CCDC149: variants seen among roughly 807,000 people sequenced by gnomAD.
CCDC149 encodes the protein coiled-coil domain-containing protein 149.
In CCDC149, 45 loss-of-function variants were observed where a neutral mutation model predicts 59.9. The observed-to-expected ratio is 0.75, with a 90% CI of 0.59 to 0.96. The LOEUF is 0.96. CCDC149 is among the 40% of genes least tolerant of loss of function. The pLI is 0.00. For missense variants in CCDC149, 584 were observed against 664.7 expected (o/e 0.88, Z 1.33); for synonymous variants, 245 against 260.6 (o/e 0.94, Z 0.58).
rs2361079 is a variant in CCDC149, at chr4:24,807,758, T to C, written c.*631A>G. The C allele has an allele frequency of 0.9, 137,126 of 152,308 alleles. 61,798 individuals are homozygous for C. Among genetic ancestry groups the C allele is most frequent in the East Asian group, 0.93 (4,777 of 5,158 alleles). The allele number at this position is 152,308 out of a possible 1,614,324, so 9.4% of individuals were successfully genotyped here. A position where few individuals can be genotyped will look rare whatever the true frequency, so the allele number is the denominator to read the frequency against. On this transcript the variant is annotated 3_prime_UTR_variant, in exon 13 of 13. Coordinates refer to ENST00000635206, the MANE Select transcript of CCDC149 (RefSeq NM_001330643.2). ...TCAGCACACAGGCCTCAACCGGGGC[T>C]GTGGATTTCAACCCAGAAGCCCAAA...
At chr4:24,906,215 A>G (rs1721500830) in intron 1 of CCDC149, among the ~76,000 whole-genome samples, 1 of 152,032 alleles carries the variant, frequency 6.6e-6, no homozygotes, top group African/African-American at 2.4e-5. Context: ...TTTCTTAGGA[A>G]GTGAAAACTA....
chr4:24,851,650 T>C (rs1717664723), intron 4 of CCDC149, among the ~76,000 whole-genome samples: 1 of 152,182 alleles, frequency 6.6e-6, no homozygotes, highest in East Asian at 1.9e-4. Context: ...ATCTTAAATA[T>C]GTTTCAGTAT....
chr4:24,887,382 G>A (rs1453398339), intron 1 of CCDC149, among the ~76,000 whole-genome samples: 7 of 152,028 alleles, frequency 4.6e-5, no homozygotes, highest in African/African-American at 1.7e-4. Context: ...ATTAGCCACC[G>A]CAAGGGCATG....
chr4:24,947,850 G>A (rs1723163844), intron 1 of CCDC149, among the ~76,000 whole-genome samples: 1 of 151,894 alleles, frequency 6.6e-6, no homozygotes, highest in Admixed American at 6.6e-5. Context: ...CAGATAGTTA[G>A]TGGCATTGAT....
intron 4 of CCDC149, among the ~76,000 whole-genome samples, chr4:24,846,399 G>T (rs1430535145): frequency 6.6e-6 from 1 of 152,182 alleles, no homozygotes. Flanking sequence ...TTTCTTGCAG[G>T]CTAGGACATC....
chr4:24,837,650 C>T lies in CCDC149; in HGVS notation c.490-250G>A, dbSNP rs191357001. Reference sequence around the variant, plus strand: ...GCTTAGAAAACCAGAACTGAACCCTCGCCAACTTCAGGATGCCCTGCAGCT... The same window carrying T: ...GCTTAGAAAACCAGAACTGAACCCTTGCCAACTTCAGGATGCCCTGCAGCT... On this transcript the variant is annotated intron_variant, in intron 5 of 12. Coordinates refer to ENST00000635206, the MANE Select transcript of CCDC149 (RefSeq NM_001330643.2). This position sits in a 1 kb window ranked among gnomAD's most constrained non-coding sequence, Gnocchi z 4.3. Among the ~76,000 whole-genome samples the T allele has an allele frequency of 2.0e-5, 3 of 152,318 alleles. No individual in the cohort carries two copies. Among genetic ancestry groups the T allele is most frequent in the East Asian group, 3.9e-4 (2 of 5,186 alleles).
intron 1 of CCDC149, among the ~76,000 whole-genome samples, chr4:24,965,508 A>T (rs1042751547): frequency 6.6e-6 from 1 of 152,084 alleles, no homozygotes; most frequent in Non-Finnish European, 1.5e-5. Context: ...AAAATTCCCC[A>T]ATGTTTCAAA....
intron 1 of CCDC149, among the ~76,000 whole-genome samples, chr4:24,943,733 C>T (rs1229913157): frequency 6.6e-6 from 1 of 151,954 alleles, no homozygotes; most frequent in Non-Finnish European, 1.5e-5. Context: ...AAAAACAACC[C>T]CATCAAAAAG....
At chr4:24,868,588 G>T (rs554536248) in intron 3 of CCDC149, among the ~76,000 whole-genome samples, 1 of 152,118 alleles carries the variant, frequency 6.6e-6, no homozygotes, top group East Asian at 1.9e-4. Context: ...CTATATTATT[G>T]GTCCAAACCC....
intron 1 of CCDC149, among the ~76,000 whole-genome samples, chr4:24,889,226 C>T (rs1220868623): frequency 6.6e-6 from 1 of 152,174 alleles, no homozygotes; most frequent in Non-Finnish European, 1.5e-5. Context: ...CTGCATTCTC[C>T]ACTAACTATG....
At chr4:24,940,902 C>T (rs922868702) in intron 1 of CCDC149, among the ~76,000 whole-genome samples, 1 of 152,188 alleles carries the variant, frequency 6.6e-6, no homozygotes, top group African/African-American at 2.4e-5. Flanking sequence ...AAAGCAAGTC[C>T]TTAGTGACCT....
At chr4:24,839,083 G>A (rs1257995421) in intron 4 of CCDC149, among the ~76,000 whole-genome samples, 1 of 152,018 alleles carries the variant, frequency 6.6e-6, no homozygotes, top group African/African-American at 2.4e-5. Context: ...GAGAAAGAGA[G>A]AGAGAGAAAG....
chr4:24,871,326 G>T (rs1719031498), intron 3 of CCDC149, among the ~76,000 whole-genome samples: 1 of 152,212 alleles, frequency 6.6e-6, no homozygotes, highest in African/African-American at 2.4e-5. Flanking sequence ...GAATTTACAT[G>T]TGGTGCTGGT....
At position 24,912,858 on chromosome 4, in the gene CCDC149, C is replaced by G. The variant is rs1220483171; in HGVS notation, c.22G>C (p.Gly8Arg). The change falls in exon 1 of 13, where the codon GGC becomes CGC. Residue 8 changes from glycine to arginine, a missense_variant. By Grantham distance (125) the Gly-to-Arg change is moderately radical. Transcript: ENST00000635206. The stretch of plus-strand genomic sequence containing the variant: ...TGCCAGTCGCTCTCAGTCCGGTCGC[C>G]GTTCATGGCCTCCTCCTCCATGCGC... 1.6e-5 allele frequency: 22 copies of G among 1,376,430 alleles called. No homozygotes were observed. Among genetic ancestry groups the G allele is most frequent in the Non-Finnish European group, 2.1e-5 (22 of 1,050,198 alleles). The allele number at this position is 1,376,430 out of a possible 1,614,324, so 85.3% of individuals were successfully genotyped here.
At chr4:24,817,928 A>G (rs1372870382) in intron 12 of CCDC149, among the ~76,000 whole-genome samples, 1 of 152,118 alleles carries the variant, frequency 6.6e-6, no homozygotes, top group African/African-American at 2.4e-5. Flanking sequence ...TGCAGAGTTG[A>G]GATGTTAAGT....
intron 3 of CCDC149, among the ~76,000 whole-genome samples, chr4:24,865,447 GC>G (rs1718638855): frequency 6.6e-6 from 1 of 152,162 alleles, no homozygotes; most frequent in South Asian, 2.1e-4. Flanking sequence ...AGTGAAACTT[GC>G]TTTGCTTAGC....
chr4:24,920,199 G>A (rs1722245574), intron 1 of CCDC149, among the ~76,000 whole-genome samples: 1 of 152,210 alleles, frequency 6.6e-6, no homozygotes, highest in African/African-American at 2.4e-5. Context: ...TTGTGACTGG[G>A]CTCTGCTGGG....
chr4:24,805,962 T>C (rs1187320068), downstream of CCDC149, among the ~76,000 whole-genome samples: 6 of 152,264 alleles, frequency 3.9e-5, no homozygotes, highest in East Asian at 9.6e-4. Context: ...GTTCCTGTTA[T>C]ACAACATAAT....
intron 1 of CCDC149, among the ~76,000 whole-genome samples, chr4:24,907,119 T>C (rs1721582303): frequency 6.6e-6 from 1 of 152,218 alleles, no homozygotes; most frequent in South Asian, 2.1e-4. Context: ...TAGCAAATTA[T>C]AGTTTTCACA....
Sources: gnomAD v4.1 joint callset for allele counts (sites outside exome capture counted in the v4.1 genomes callset) on GRCh38, gnomAD v4.1.1 for gene constraint, Gnocchi (gnomAD v3.1) non-coding constraint, MANE v1.5 for transcripts, NCBI Gene and HGNC (gene_info 2026-07-23, HGNC 2026-07-21) for gene names.